PDE7B: variants seen among roughly 807,000 people sequenced by gnomAD.
The protein encoded by PDE7B is 3',5'-cyclic-AMP phosphodiesterase 7B.
PDE7B carries 29 observed loss-of-function variants against 56.2 expected under a neutral mutation model. The ratio of observed to expected loss-of-function variants is 0.52; its 90% CI spans 0.38 to 0.70. PDE7B has a LOEUF of 0.70. PDE7B is among the 30% of genes least tolerant of loss of function. PDE7B has a pLI of 0.00. For synonymous variants in PDE7B, 197 were observed against 196.9 expected (o/e 1.00, Z 0.00); for missense variants, 490 against 565.0 (o/e 0.87, Z 1.35).
chr6:136,026,774 T>C (rs1776159733), intron 2 of PDE7B, among the ~76,000 whole-genome samples: 2 of 152,334 alleles, frequency 1.3e-5, no homozygotes, highest in Admixed American at 6.5e-5. Flanking sequence ...ATCTGGTACA[T>C]AAGCATTCAA....
chr6:135,852,233 C>A (rs1444839703), intron 1 of PDE7B, among the ~76,000 whole-genome samples: 1 of 152,056 alleles, frequency 6.6e-6, no homozygotes, highest in Non-Finnish European at 1.5e-5. Context: ...TTAAGGGCAG[C>A]AGGGTTTCAT....
At position 136,111,970 on chromosome 6, in the gene PDE7B, C is replaced by T. The variant is rs148246970; in HGVS notation, c.166+3156C>T. On this transcript the variant is annotated intron_variant, in intron 3 of 12. Coordinates refer to ENST00000308191, the MANE Select transcript of PDE7B (RefSeq NM_018945.4). ...ACCATTTATAGGAAAAACCAAATCACCATAGCTGTCACTCCCCAGCTCTGC... is the reference window on the plus strand; with the variant it reads ...ACCATTTATAGGAAAAACCAAATCATCATAGCTGTCACTCCCCAGCTCTGC... Among the ~76,000 whole-genome samples the T allele has an allele frequency of 1.4e-4, 22 of 152,168 alleles. No homozygotes were observed. The South Asian group carries it at 2.7e-3, about 19-fold the overall frequency.
chr6:135,854,922 G>A (rs1186001004), intron 1 of PDE7B, among the ~76,000 whole-genome samples: 1 of 152,218 alleles, frequency 6.6e-6, no homozygotes, highest in Non-Finnish European at 1.5e-5. Flanking sequence ...AAGTTCTTAT[G>A]TGTGGTCAAG....
At chr6:135,925,786 G>C (rs1774173157) in intron 1 of PDE7B, among the ~76,000 whole-genome samples, 1 of 152,126 alleles carries the variant, frequency 6.6e-6, no homozygotes, top group East Asian at 1.9e-4. Flanking sequence ...TTCAAAAATA[G>C]TGTTTCTGAA....
At chr6:136,078,953 G>A (rs1777163903) in intron 2 of PDE7B, among the ~76,000 whole-genome samples, 1 of 152,034 alleles carries the variant, frequency 6.6e-6, no homozygotes. Flanking sequence ...GCTCTGTATG[G>A]CCACACATGC....
At chr6:136,013,331 C>CCAAGACAAAA (rs1425651207) in intron 2 of PDE7B, among the ~76,000 whole-genome samples, 2 of 152,320 alleles carry the variant, frequency 1.3e-5, no homozygotes, top group African/African-American at 4.8e-5. Flanking sequence ...AAAACACAGG[C>CCAAGACAAAA]ATGCTGACAA....
intron 3 of PDE7B, among the ~76,000 whole-genome samples, chr6:136,137,656 A>G (rs1778235976): frequency 6.6e-6 from 1 of 152,102 alleles, no homozygotes; most frequent in Non-Finnish European, 1.5e-5. Flanking sequence ...TAAATCTCAG[A>G]TATTTATTCT....
chr6:135,936,201 CA>C (rs1410914505), intron 1 of PDE7B, among the ~76,000 whole-genome samples: 1 of 152,160 alleles, frequency 6.6e-6, no homozygotes, highest in African/African-American at 2.4e-5. Context: ...GCAAGGAGCA[CA>C]TTATAAAGTA....
chr6:136,001,265 A>G (rs1775663825), intron 2 of PDE7B, among the ~76,000 whole-genome samples: 1 of 152,232 alleles, frequency 6.6e-6, no homozygotes, highest in African/African-American at 2.4e-5. Flanking sequence ...CAGAGCAGAA[A>G]AACTGGAAAC....
intron 2 of PDE7B, among the ~76,000 whole-genome samples, chr6:136,025,278 A>G (rs1033032368): frequency 1.6e-4 from 25 of 152,244 alleles, no homozygotes; most frequent in African/African-American, 5.8e-4. Context: ...ATAATATCTT[A>G]AAAATGCAAT....
chr6:136,138,552 A>G (rs1450493471), intron 3 of PDE7B, among the ~76,000 whole-genome samples: 2 of 152,132 alleles, frequency 1.3e-5, no homozygotes. Context: ...CCCCTTTAGA[A>G]AGCTACCTTG....
At chr6:135,864,858 T>C (rs995966913) in intron 1 of PDE7B, among the ~76,000 whole-genome samples, 3 of 152,000 alleles carry the variant, frequency 2.0e-5, no homozygotes, top group Non-Finnish European at 2.9e-5. Flanking sequence ...TTGTTACGTA[T>C]GTATACATGT....
intron 1 of PDE7B, among the ~76,000 whole-genome samples, chr6:135,902,258 C>G (rs993750145): frequency 1.3e-5 from 2 of 151,874 alleles, no homozygotes; most frequent in Non-Finnish European, 2.9e-5. Flanking sequence ...TTTCTGCCCA[C>G]ACAACTTCCA....
At chr6:135,981,579 G>A (rs1775297262) in intron 2 of PDE7B, among the ~76,000 whole-genome samples, 1 of 148,452 alleles carries the variant, frequency 6.7e-6, no homozygotes, top group African/African-American at 2.5e-5. Flanking sequence ...CAGTGATGTT[G>A]ATCATCTTGA....
In PDE7B at chr6:136,194,616, G is replaced by A. The variant is rs1031036572; in HGVS notation, c.*2776G>A. On this transcript the variant is annotated 3_prime_UTR_variant, in exon 13 of 13. Transcript: ENST00000308191. ...CAATTACTAGTTAAAACACTGGCGGGGTGCGGTGGCTCACGCCTGTAATCC... is the reference window on the plus strand; with the variant it reads ...CAATTACTAGTTAAAACACTGGCGGAGTGCGGTGGCTCACGCCTGTAATCC... 7 of 152,206 alleles carry A rather than the reference G, an allele frequency of 4.6e-5. No individual in the cohort carries two copies. The highest frequency in any genetic ancestry group is 6.5e-5 in the Admixed American group (1 of 15,284). 9.4% of individuals were successfully genotyped at this position (152,206 alleles called of 1,614,324 possible). A position where few individuals can be genotyped will look rare whatever the true frequency, so the allele number is the denominator to read the frequency against.
intron 1 of PDE7B, among the ~76,000 whole-genome samples, chr6:135,885,444 T>G (rs1432550674): frequency 6.6e-6 from 1 of 152,118 alleles, no homozygotes; most frequent in Non-Finnish European, 1.5e-5. Context: ...CACTCAAATG[T>G]TTGAAATACC....
intron 11 of PDE7B, among the ~76,000 whole-genome samples, chr6:136,184,562 G>C (rs6570070): frequency 0.14 from 20,935 of 152,108 alleles, 3,763 homozygotes; most frequent in African/African-American, 0.4. Flanking sequence ...TCCCATTAGA[G>C]AGCGCTGGTC....
At chr6:136,176,662 G>A (rs1367151579) in intron 9 of PDE7B, among the ~76,000 whole-genome samples, 1 of 152,018 alleles carries the variant, frequency 6.6e-6, no homozygotes, top group Non-Finnish European at 1.5e-5. Flanking sequence ...TAGATGGACT[G>A]TTGGTCAGAT....
intron 1 of PDE7B, among the ~76,000 whole-genome samples, chr6:135,912,549 T>C (rs1234972793): frequency 2.0e-5 from 3 of 152,022 alleles, no homozygotes. Context: ...TATTTCTAAA[T>C]GTTGGGGATT....
Sources: allele counts gnomAD v4.1 joint callset (sites outside exome capture counted in the v4.1 genomes callset), GRCh38; gene constraint gnomAD v4.1.1; transcripts MANE v1.5; gene names NCBI Gene and HGNC (gene_info 2026-07-23, HGNC 2026-07-21).